LEP: variants seen among roughly 807,000 people sequenced by gnomAD.
LEP encodes the protein leptin (murine obesity homolog).
Under a neutral mutation model 9.8 loss-of-function variants are expected in LEP, and 6 were observed. The ratio of observed to expected loss-of-function variants is 0.61; its 90% confidence interval spans 0.34 to 1.21. The LOEUF is 1.21. Among genes scored for constraint, LEP ranks in the 50% most tolerant of loss-of-function variants. The pLI, the probability that LEP is intolerant of heterozygous loss-of-function variation, is 0.04. For missense variants in LEP, 134 were observed against 198.1 expected (o/e 0.68, Z 1.94); for synonymous variants, 112 against 81.7 (o/e 1.37, Z -2.00).
chr7:128,252,298 G>A, intron 2 of LEP, 136 bp downstream of exon 2: 1 of 984,408 alleles, frequency 1.0e-6, no homozygotes, highest in Non-Finnish European at 1.6e-6. Flanking sequence ...AAGCTGAGAA[G>A]GATTTGAAAG....
rs1274256364 is a variant in LEP, at chr7:128,256,782, G to C, written c.*2019G>C. 1 of 152,228 alleles carries C rather than the reference G, an allele frequency of 6.6e-6. No homozygotes were observed. The highest frequency in any genetic ancestry group is 1.5e-5 in the Non-Finnish European group (1 of 68,050). 9.4% of individuals were successfully genotyped at this position (152,228 alleles called of 1,614,324 possible). A position where few individuals can be genotyped will look rare whatever the true frequency, so the allele number is the denominator to read the frequency against. On this transcript the variant is annotated 3_prime_UTR_variant, in exon 3 of 3. Coordinates refer to ENST00000308868, the MANE Select transcript of LEP (RefSeq NM_000230.3). ...GTGGCAGGACCAGGACTATAGCCCA[G>C]GTCCTCTGATACCCAGAGCATTACG...
intron 1 of LEP, among the ~76,000 whole-genome samples, chr7:128,249,169 T>G (rs1213973612): frequency 6.6e-6 from 1 of 152,228 alleles, no homozygotes; most frequent in Non-Finnish European, 1.5e-5. Flanking sequence ...CACTCTTTTC[T>G]GATGCCCATG....
At chr7:128,252,257 G>A in intron 2 of LEP, 95 bp downstream of exon 2, 1 of 1,377,990 alleles carries the variant, frequency 7.3e-7, no homozygotes, top group Non-Finnish European at 1.0e-6. Flanking sequence ...AACATTTATT[G>A]AACGCCTCCT....
rs963895571 is a variant in LEP, at chr7:128,256,167, T to G, written c.*1404T>G. On this transcript the variant is annotated 3_prime_UTR_variant, in exon 3 of 3. Coordinates refer to ENST00000308868, the MANE Select transcript of LEP (RefSeq NM_000230.3). Reference sequence around the variant, plus strand: ...TACTCCAGTGGTGAAGAAAACTCCTTTAGCAGGTGGTCCTGAGACCTGACA... The same window carrying G: ...TACTCCAGTGGTGAAGAAAACTCCTGTAGCAGGTGGTCCTGAGACCTGACA... 7 of 152,350 alleles carry G rather than the reference T, an allele frequency of 4.6e-5. 1 individual carries two copies. Among genetic ancestry groups the G allele is most frequent in the African/African-American group, 1.7e-4 (7 of 41,580 alleles). 9.4% of individuals were successfully genotyped at this position (152,350 alleles called of 1,614,324 possible).
At chr7:128,254,255 G>A (rs886403279) in intron 2 of LEP, 149 bp from the exon 3 acceptor site, 118 of 975,472 alleles carry the variant, frequency 1.2e-4, no homozygotes, top group Non-Finnish European at 1.7e-4. Flanking sequence ...CCTGGGTGCA[G>A]GATACAAGGG....
intron 1 of LEP, among the ~76,000 whole-genome samples, chr7:128,251,588 G>T (rs1795275268): frequency 6.6e-6 from 1 of 152,202 alleles, no homozygotes; most frequent in Non-Finnish European, 1.5e-5. Context: ...CAGGGATGAA[G>T]GTGGAGTATT....
chr7:128,256,405 C>A lies in LEP; in HGVS notation c.*1642C>A, dbSNP rs1795340179. On this transcript the variant is annotated 3_prime_UTR_variant, in exon 3 of 3. Transcript: ENST00000308868. The stretch of plus-strand genomic sequence containing the variant: ...TAAGACTGAGCACCTGCTTCATGCT[C>A]AGCCCTGACTGGTGCTATAGGCTGG... 2 of 152,714 alleles carry A rather than the reference C, an allele frequency of 1.3e-5. 1 individual carries two copies. Among genetic ancestry groups the A allele is most frequent in the Non-Finnish European group, 2.9e-5 (2 of 68,070 alleles). The allele number at this position is 152,714 out of a possible 1,614,324, so 9.5% of individuals were successfully genotyped here. A position where few individuals can be genotyped will look rare whatever the true frequency, so the allele number is the denominator to read the frequency against.
chr7:128,246,392 T>TG, intron 1 of LEP, among the ~76,000 whole-genome samples: 1 of 152,224 alleles, frequency 6.6e-6, no homozygotes. Flanking sequence ...TGTGGTGGGG[T>TG]GGATGGCACA....
rs1795330798 is a variant in LEP, at chr7:128,255,725, T to G, written c.*962T>G. 1 of 152,292 alleles carries G rather than the reference T, an allele frequency of 6.6e-6. No individual in the cohort carries two copies. The highest frequency in any genetic ancestry group is 1.9e-4 in the East Asian group (1 of 5,180). The allele number at this position is 152,292 out of a possible 1,614,324, so 9.4% of individuals were successfully genotyped here. On this transcript the variant is annotated 3_prime_UTR_variant, in exon 3 of 3. Transcript: ENST00000308868. The stretch of plus-strand genomic sequence containing the variant: ...ATCTTCTGCAATTGCTTAGGATGTT[T>G]TTCATGAAAATAGCTCTTTCAGGGG...
At chr7:128,242,419 A>G (rs1390851355) in intron 1 of LEP, among the ~76,000 whole-genome samples, 2 of 152,114 alleles carry the variant, frequency 1.3e-5, no homozygotes, top group Non-Finnish European at 2.9e-5. Flanking sequence ...TCTCTTTCAT[A>G]TTAGGATTGT....
chr7:128,254,892 C>T lies in LEP; in HGVS notation c.*129C>T, dbSNP rs1356833037. 1.0e-6 allele frequency: 1 copy of T among 982,018 alleles called. No individual in the cohort carries two copies. Among genetic ancestry groups the T allele is most frequent in the Non-Finnish European group, 1.6e-6 (1 of 642,070 alleles). 60.8% of individuals were successfully genotyped at this position (982,018 alleles called of 1,614,324 possible). On this transcript the variant is annotated 3_prime_UTR_variant, in exon 3 of 3. Coordinates refer to ENST00000308868, the MANE Select transcript of LEP (RefSeq NM_000230.3). ...AGGACTCTGTCAATTTCCCTGACTC[C>T]TCTAAGCCACTCTTCCAAAGGCATA...
At chr7:128,242,051 C>G (rs1363971941) in intron 1 of LEP, among the ~76,000 whole-genome samples, 1 of 152,344 alleles carries the variant, frequency 6.6e-6, no homozygotes, top group South Asian at 2.1e-4. Context: ...CTATAGCCTT[C>G]CTTCAGTCTG....
chr7:128,243,945 G>A (rs1795180490), intron 1 of LEP, among the ~76,000 whole-genome samples: 1 of 152,050 alleles, frequency 6.6e-6, no homozygotes, highest in Non-Finnish European at 1.5e-5. Flanking sequence ...AGAGCTCGAG[G>A]GAGCCTCAAC....
chr7:128,252,600 G>A (rs975935403), intron 2 of LEP, among the ~76,000 whole-genome samples: 4 of 151,662 alleles, frequency 2.6e-5, no homozygotes, highest in African/African-American at 9.7e-5. Flanking sequence ...GGGCATGGTG[G>A]TGTGTACCTG....
At chr7:128,253,713 G>A (rs1795301621) in intron 2 of LEP, among the ~76,000 whole-genome samples, 1 of 152,138 alleles carries the variant, frequency 6.6e-6, no homozygotes, top group Non-Finnish European at 1.5e-5. Flanking sequence ...GCATTTTATA[G>A]ATAAAAACTC....
At chr7:128,249,732 T>C (rs1190773682) in intron 1 of LEP, among the ~76,000 whole-genome samples, 1 of 152,178 alleles carries the variant, frequency 6.6e-6, no homozygotes, top group African/African-American at 2.4e-5. Context: ...GATGTTTGTA[T>C]GAGCATGTGT....
intron 1 of LEP, among the ~76,000 whole-genome samples, chr7:128,250,892 C>T (rs1795267453): frequency 6.6e-6 from 1 of 152,182 alleles, no homozygotes; most frequent in African/African-American, 2.4e-5. Context: ...ATACATTTAA[C>T]TTTATTACCT....
In LEP at chr7:128,251,759, A is replaced by G. The variant is rs190027670; in HGVS notation, c.-28-232A>G. Among the ~76,000 whole-genome samples the G allele has an allele frequency of 1.8e-4, 27 of 152,336 alleles. No individual in the cohort carries two copies. In the East Asian group the frequency reaches 2.1e-3, roughly 12 times the overall value. Reference sequence around the variant, plus strand: ...CCCTGGCCTCACAGCTCTGTGGTCTACAGGATACCTCATGGTGGTTTTATT... The same window carrying G: ...CCCTGGCCTCACAGCTCTGTGGTCTGCAGGATACCTCATGGTGGTTTTATT... On this transcript the variant is annotated intron_variant, in intron 1 of 2. Coordinates refer to ENST00000308868, the MANE Select transcript of LEP (RefSeq NM_000230.3).
chr7:128,254,401 T>G lies in LEP; in HGVS notation c.145-3T>G. ...ACTTGTTCTCCCTCTTCCTCCTGCA[T>G]AGCAGTCAGTCTCCTCCAAACAGAA... On this transcript the variant is annotated splice_polypyrimidine_tract_variant and splice_region_variant and intron_variant, in intron 2 of 2. Transcript: ENST00000308868. The G allele has an allele frequency of 6.2e-7, 1 of 1,612,888 alleles. No homozygotes were observed.
Sources: gnomAD v4.1 joint callset for allele counts (sites outside exome capture counted in the v4.1 genomes callset) on GRCh38, gnomAD v4.1.1 for gene constraint, MANE v1.5 for transcripts, NCBI Gene and HGNC (gene_info 2026-07-23, HGNC 2026-07-21) for gene names.